Variants in DMRT1 observed in about 807,000 individuals in gnomAD.
DMRT1 encodes doublesex and mab-3 related transcription factor 1, also known as doublesex- and mab-3-related transcription factor 1.
A neutral mutation model predicts 32.3 loss-of-function variants in DMRT1; 7 were observed. The observed-to-expected ratio is 0.22, with a 90% confidence interval of 0.12 to 0.41. DMRT1 has a LOEUF of 0.41. Ranked by LOEUF, DMRT1 falls within the 10% of genes least tolerant of loss-of-function variation. The probability of loss-of-function intolerance (pLI) is 1.00; values close to 1 mark genes in which losing one functional copy is unlikely to be tolerated. For synonymous variants in DMRT1, 278 were observed against 206.1 expected (o/e 1.35, Z -2.99); for missense variants, 625 against 500.5 (o/e 1.25, Z -2.37).
intron 2 of DMRT1, among the ~76,000 whole-genome samples, chr9:858,709 A>G (rs1564201195): frequency 2.6e-5 from 4 of 152,102 alleles, no homozygotes; most frequent in South Asian, 4.2e-4. Flanking sequence ...CCCTGTCTCT[A>G]CTAAAAATAC....
At chr9:896,280 C>CT (rs1817357653) in intron 3 of DMRT1, among the ~76,000 whole-genome samples, 1 of 134,078 alleles carries the variant, frequency 7.5e-6, no homozygotes. Context: ...TTTTTCTTGT[C>CT]TTTTCTTTTT....
rs1252694588 is a variant in DMRT1 at position 880,875 on chromosome 9, A to T, written c.539-13037A>T. 3.3e-5 allele frequency among the ~76,000 whole-genome samples: 5 copies of T among 152,260 alleles called. No homozygotes were observed. The East Asian group carries it at 9.7e-4, about 29-fold the overall frequency. On this transcript the variant is annotated intron_variant, in intron 2 of 4. Coordinates refer to ENST00000382276, the MANE Select transcript of DMRT1 (RefSeq NM_021951.3). Reference sequence around the variant, plus strand: ...AAAAGGCAAATTACATCTTTATGTTATTGCAAAAATACTTCTGACCTCTTG... The same window carrying T: ...AAAAGGCAAATTACATCTTTATGTTTTTGCAAAAATACTTCTGACCTCTTG...
chr9:880,542 T>C (rs984510348), intron 2 of DMRT1, among the ~76,000 whole-genome samples: 2 of 151,158 alleles, frequency 1.3e-5, no homozygotes, highest in African/African-American at 4.9e-5. Flanking sequence ...GCCTGGCCAA[T>C]ATGGTGAATC....
chr9:958,524 A>G (rs980809405), intron 4 of DMRT1, among the ~76,000 whole-genome samples: 1 of 151,856 alleles, frequency 6.6e-6, no homozygotes, highest in African/African-American at 2.4e-5. Context: ...ACACCACCAC[A>G]CCCAGCTGAT....
intron 2 of DMRT1, among the ~76,000 whole-genome samples, chr9:888,285 T>C (rs1817008673): frequency 6.7e-6 from 1 of 149,114 alleles, no homozygotes; most frequent in Admixed American, 6.8e-5. Context: ...AGCCTAGCTT[T>C]TCAATACAAT....
chr9:844,538 C>G (rs1039037616), intron 1 of DMRT1, among the ~76,000 whole-genome samples: 1 of 148,130 alleles, frequency 6.8e-6, no homozygotes, highest in African/African-American at 2.6e-5. Context: ...AATAGGAAAT[C>G]CAAGATTTAA....
intron 2 of DMRT1, among the ~76,000 whole-genome samples, chr9:856,152 A>T (rs7861097): frequency 1.3e-5 from 2 of 151,938 alleles, no homozygotes; most frequent in Non-Finnish European, 2.9e-5. Context: ...CCTGACCTCA[A>T]GTGATCCACC....
chr9:900,200 A>G (rs10116732), intron 3 of DMRT1, among the ~76,000 whole-genome samples: 97,546 of 151,652 alleles, frequency 0.64, 31,543 homozygotes, highest in South Asian at 0.67. Context: ...TGGCATCTGG[A>G]GCTTGAAGCA....
chr9:879,892 T>C (rs1373997878), intron 2 of DMRT1, among the ~76,000 whole-genome samples: 1 of 152,232 alleles, frequency 6.6e-6, no homozygotes, highest in Non-Finnish European at 1.5e-5. Context: ...TGTTGACACA[T>C]TTTATTACAA....
chr9:890,919 G>C (rs547505646), intron 2 of DMRT1, among the ~76,000 whole-genome samples: 1 of 151,474 alleles, frequency 6.6e-6, no homozygotes, highest in Non-Finnish European at 1.5e-5. Flanking sequence ...TAGTGGAGAC[G>C]GGGTTTCACC....
chr9:855,741 C>T (rs769068834), intron 2 of DMRT1, among the ~76,000 whole-genome samples: 1 of 152,190 alleles, frequency 6.6e-6, no homozygotes, highest in Admixed American at 6.5e-5. Flanking sequence ...ACTTCAGTCC[C>T]CAAGTACCTT....
At chr9:933,241 G>A (rs992805942) in intron 4 of DMRT1, among the ~76,000 whole-genome samples, 4 of 152,136 alleles carry the variant, frequency 2.6e-5, no homozygotes, top group Non-Finnish European at 5.9e-5. Context: ...TTTAATCAAG[G>A]CTTAGGGTCT....
At chr9:957,964 G>A (rs1819652464) in intron 4 of DMRT1, among the ~76,000 whole-genome samples, 1 of 152,176 alleles carries the variant, frequency 6.6e-6, no homozygotes, top group Non-Finnish European at 1.5e-5. Context: ...ATTGGAGATT[G>A]TGCCACTGCA....
intron 2 of DMRT1, among the ~76,000 whole-genome samples, chr9:883,335 T>C (rs1011226437): frequency 8.6e-5 from 13 of 152,044 alleles, no homozygotes; most frequent in African/African-American, 3.1e-4. Flanking sequence ...ACATTCCGTG[T>C]CTTGTGCTAC....
intron 2 of DMRT1, among the ~76,000 whole-genome samples, chr9:858,853 CAA>C (rs1205538076): frequency 0.011 from 1,453 of 137,444 alleles, 53 homozygotes; most frequent in Admixed American, 0.066. Context: ...CAGTCTGTCT[CAA>C]AAAAAAAAAA....
At chr9:950,431 C>T (rs1047920896) in intron 4 of DMRT1, among the ~76,000 whole-genome samples, 5 of 152,048 alleles carry the variant, frequency 3.3e-5, no homozygotes, top group Non-Finnish European at 7.4e-5. Context: ...AGTACAAATT[C>T]TGGCTCTGAT....
Position 842,036 on chromosome 9 carries a change from G to C in DMRT1, c.198G>C (p.Gly66=). ...CCGGGGCGTCGGACCTGGGTGCCGG[G>C]AGCAAGAAGTCCCCGCGGCTGCCCA... ...SGSGASDLGA[G]SKKSPRLPKC... is the part of the protein sequence containing the mutation. The change falls in exon 1 of 5, where the codon GGG becomes GGC. Residue 66 remains glycine (G), a synonymous_variant. Transcript: ENST00000382276. The C allele has an allele frequency of 6.5e-7, 1 of 1,547,146 alleles. No homozygotes were observed. The highest frequency in any genetic ancestry group is 8.7e-7 in the Non-Finnish European group (1 of 1,149,004).
intron 4 of DMRT1, among the ~76,000 whole-genome samples, chr9:930,238 G>A (rs563030269): frequency 8.5e-5 from 13 of 152,078 alleles, no homozygotes; most frequent in African/African-American, 2.9e-4. Context: ...TTTAGAGACA[G>A]GGTCTCTGCT....
chr9:942,364 C>T (rs577241242), intron 4 of DMRT1, among the ~76,000 whole-genome samples: 5 of 152,300 alleles, frequency 3.3e-5, no homozygotes, highest in South Asian at 4.1e-4. Context: ...ACCCCAACCT[C>T]GCAGGTTTAG....
Sources: gnomAD v4.1 joint callset for allele counts (sites outside exome capture counted in the v4.1 genomes callset) on GRCh38, gnomAD v4.1.1 for gene constraint, MANE v1.5 for transcripts, NCBI Gene and HGNC (gene_info 2026-07-23, HGNC 2026-07-21) for gene names.